Variants in ATG5 observed in about 807,000 individuals in gnomAD.
ATG5 encodes autophagy related 5.
In ATG5, 14 loss-of-function variants were observed where a neutral mutation model predicts 36.5. The observed-to-expected ratio is 0.38, with a 90% confidence interval of 0.25 to 0.60. The LOEUF (loss-of-function observed/expected upper bound fraction) is 0.60. Among genes scored for constraint, ATG5 ranks in the 20% least tolerant of loss-of-function variants. The probability of loss-of-function intolerance (pLI) is 0.60; values close to 1 mark genes in which losing one functional copy is unlikely to be tolerated. For missense variants in ATG5, 195 were observed against 326.7 expected, an observed-to-expected ratio of 0.60 and a Z score of 3.11; for synonymous variants, 95 against 101.5, an observed-to-expected ratio of 0.94 and a Z score of 0.38.
rs1775717488 is a variant in ATG5 at position 106,185,072 on chromosome 6, C to T, written c.*1468G>A. The T allele has an allele frequency of 6.6e-6, 1 of 152,434 alleles. No individual in the cohort carries two copies. Among genetic ancestry groups the T allele is most frequent in the South Asian group, 2.1e-4 (1 of 4,832 alleles). 9.4% of individuals were successfully genotyped at this position (152,434 alleles called of 1,614,324 possible). On this transcript the variant is annotated 3_prime_UTR_variant, in exon 8 of 8. Coordinates refer to ENST00000369076, the MANE Select transcript of ATG5 (RefSeq NM_004849.4). ...GCTTCTAAGTTTCTGAGATTGTATG[C>T]TGTACTGGCTATTCTTTTTGATTAA...
intron 6 of ATG5, among the ~76,000 whole-genome samples, chr6:106,206,075 C>T (rs1776618149): frequency 6.6e-6 from 1 of 152,196 alleles, no homozygotes; most frequent in South Asian, 2.1e-4. Context: ...TTACTTCTAT[C>T]ATCTGAATGC....
In ATG5 at chr6:106,230,252, A is replaced by G. The variant is rs138141843; in HGVS notation, c.573+17898T>C. 1.3e-4 allele frequency among the ~76,000 whole-genome samples: 20 copies of G among 152,328 alleles called. No individual in the cohort carries two copies. In the East Asian group the frequency reaches 3.7e-3, roughly 28 times the overall value. ...ACGTACTTACCGAATCAAAAAGACTATCTCAATCCTGACTCAAAAGCTTAC... is the reference window on the plus strand; with the variant it reads ...ACGTACTTACCGAATCAAAAAGACTGTCTCAATCCTGACTCAAAAGCTTAC... On this transcript the variant is annotated intron_variant, in intron 6 of 7. Coordinates refer to ENST00000369076, the MANE Select transcript of ATG5 (RefSeq NM_004849.4).
intron 5 of ATG5, among the ~76,000 whole-genome samples, chr6:106,275,659 TAGAAAA>T (rs1237995929): frequency 1.3e-5 from 2 of 152,040 alleles, no homozygotes; most frequent in African/African-American, 4.8e-5. Context: ...AAGGCAGAAA[TAGAAAA>T]AAAGTAATTT....
intron 2 of ATG5, among the ~76,000 whole-genome samples, chr6:106,312,917 T>C (rs915014520): frequency 1.3e-5 from 2 of 152,220 alleles, no homozygotes; most frequent in African/African-American, 4.8e-5. Flanking sequence ...AGAATGACTA[T>C]AAGCAACCTT....
intron 6 of ATG5, among the ~76,000 whole-genome samples, chr6:106,241,130 G>A (rs899382621): frequency 6.6e-6 from 1 of 152,178 alleles, no homozygotes; most frequent in Non-Finnish European, 1.5e-5. Context: ...TCCAGTCCAG[G>A]TGACAGAACG....
intron 3 of ATG5, 144 bp downstream of exon 3, chr6:106,308,220 T>TTATTCTAG (rs1321176485): frequency 5.6e-5 from 32 of 568,724 alleles, no homozygotes; most frequent in African/African-American, 3.9e-4. Context: ...CGTATTCTAG[T>TTATTCTAG]AATAGTCTAA....
At chr6:106,311,641 A>G (rs1373232350) in intron 2 of ATG5, among the ~76,000 whole-genome samples, 2 of 152,254 alleles carry the variant, frequency 1.3e-5, no homozygotes, top group African/African-American at 4.8e-5. Context: ...GCCAGGAGCC[A>G]GATTATCGAG....
At chr6:106,230,105 G>GA (rs1191714238) in intron 6 of ATG5, among the ~76,000 whole-genome samples, 2 of 152,060 alleles carry the variant, frequency 1.3e-5, no homozygotes, top group African/African-American at 4.8e-5. Context: ...AATGACTGAG[G>GA]AAAAAACCAC....
intron 5 of ATG5, among the ~76,000 whole-genome samples, chr6:106,265,886 A>G (rs1361320723): frequency 1.3e-5 from 2 of 152,228 alleles, no homozygotes; most frequent in African/African-American, 2.4e-5. Context: ...TGCCCACATC[A>G]GAAAGCTCGA....
intron 6 of ATG5, among the ~76,000 whole-genome samples, chr6:106,245,967 G>A (rs1778314741): frequency 6.6e-6 from 1 of 151,996 alleles, no homozygotes; most frequent in Non-Finnish European, 1.5e-5. Context: ...ATCCTCCTTT[G>A]GTCAAGGCCA....
intron 1 of ATG5, among the ~76,000 whole-genome samples, chr6:106,317,403 CT>C (rs981482967): frequency 2.6e-5 from 4 of 152,024 alleles, no homozygotes; most frequent in South Asian, 2.1e-4. Flanking sequence ...GCTTATTTCC[CT>C]TTTTTTTCCT....
chr6:106,225,716 T>C (rs1184998594), intron 6 of ATG5, among the ~76,000 whole-genome samples: 4 of 152,156 alleles, frequency 2.6e-5, no homozygotes, highest in Non-Finnish European at 5.9e-5. Context: ...TTATTTGATC[T>C]GCCAGTTCCC....
At chr6:106,261,949 G>A (rs556892118) in intron 5 of ATG5, among the ~76,000 whole-genome samples, 83 of 152,272 alleles carry the variant, frequency 5.5e-4, no homozygotes, top group South Asian at 2.5e-3. Context: ...GAATTATCCA[G>A]TCCAAAAAAG....
chr6:106,276,236 G>C (rs917402117), intron 5 of ATG5, among the ~76,000 whole-genome samples: 2 of 152,038 alleles, frequency 1.3e-5, no homozygotes, highest in Non-Finnish European at 2.9e-5. Context: ...AGGCCGAGGC[G>C]GGTGGATCAC....
intron 5 of ATG5, among the ~76,000 whole-genome samples, chr6:106,255,494 C>A (rs1778766679): frequency 6.6e-6 from 1 of 152,072 alleles, no homozygotes; most frequent in South Asian, 2.1e-4. Flanking sequence ...ACTGTAAATT[C>A]CAATTTCAAC....
chr6:106,252,330 A>T (rs76209924), intron 5 of ATG5, among the ~76,000 whole-genome samples: 3,687 of 152,110 alleles, frequency 0.024, 64 homozygotes, highest in African/African-American at 0.049. Flanking sequence ...GGACTGTTCT[A>T]CAGAAATATT....
rs552664992 is a variant in ATG5, at chr6:106,247,029, C to T, written c.573+1121G>A. On this transcript the variant is annotated intron_variant, in intron 6 of 7. Coordinates refer to ENST00000369076, the MANE Select transcript of ATG5 (RefSeq NM_004849.4). The stretch of plus-strand genomic sequence containing the variant: ...CAACACTAAATAAATATTCTTCATT[C>T]TTCCAGTATATTGAGATGTTTACTT... Among the ~76,000 whole-genome samples, 5 of 152,270 alleles carry T rather than the reference C, an allele frequency of 3.3e-5. No homozygotes were observed. In the South Asian group the frequency reaches 1.0e-3, roughly 32 times the overall value.
chr6:106,322,802 TTC>T (rs1373275052), intron 1 of ATG5, among the ~76,000 whole-genome samples: 2 of 152,238 alleles, frequency 1.3e-5, no homozygotes, highest in African/African-American at 4.8e-5. Flanking sequence ...CTGTCCAGAC[TTC>T]TCTTTTGAAC....
intron 6 of ATG5, among the ~76,000 whole-genome samples, chr6:106,226,550 T>A (rs901207939): frequency 2.6e-5 from 4 of 152,156 alleles, no homozygotes; most frequent in African/African-American, 4.8e-5. Context: ...AAAAAGTTTA[T>A]CTAAAGAACT....
Sources: allele counts gnomAD v4.1 joint callset (sites outside exome capture counted in the v4.1 genomes callset), GRCh38; gene constraint gnomAD v4.1.1; transcripts MANE v1.5; gene names NCBI Gene and HGNC (gene_info 2026-07-23, HGNC 2026-07-21).